The following SLC38A6 variants were observed in gnomAD, a reference collection of about 807,000 sequenced individuals.
SLC38A6 encodes N system amino acid transporter NAT-1.
In SLC38A6, 73 loss-of-function variants were observed where a neutral mutation model predicts 65.0. The ratio of observed to expected loss-of-function variants is 1.12; its 90% CI spans 0.93 to 1.37. SLC38A6 has a LOEUF of 1.37. SLC38A6 is among the 40% of genes most tolerant of loss of function. The pLI is 0.00. For missense variants in SLC38A6, 561 were observed against 531.1 expected (o/e 1.06, Z -0.55); for synonymous variants, 183 against 178.8 (o/e 1.02, Z -0.19).
chr14:61,030,362 A>T, intron 5 of SLC38A6, 83 bp from the exon 6 acceptor site: 1 of 984,720 alleles, frequency 1.0e-6, no homozygotes, highest in Non-Finnish European at 1.5e-6. Flanking sequence ...GCTCTAATGG[A>T]CATCTCTTTT....
chr14:61,080,582 G>A lies in SLC38A6; in HGVS notation c.1408+1655G>A, dbSNP rs1435030092. Reference sequence around the variant, plus strand: ...TCAAAACAGCTCAGAATCAAGTCTGGGAAGCAAGTCGAAGTGGTTTGATTT... The same window carrying A: ...TCAAAACAGCTCAGAATCAAGTCTGAGAAGCAAGTCGAAGTGGTTTGATTT... On this transcript the variant is annotated intron_variant, in intron 16 of 16. Coordinates refer to the SLC38A6 transcript ENST00000354886. Among the ~76,000 whole-genome samples the A allele has an allele frequency of 2.0e-5, 3 of 152,210 alleles. No homozygotes were observed. The East Asian group carries it at 5.8e-4, about 29-fold the overall frequency.
chr14:61,035,682 T>G, intron 6 of SLC38A6, among the ~76,000 whole-genome samples: 1 of 152,226 alleles, frequency 6.6e-6, no homozygotes, highest in Non-Finnish European at 1.5e-5. Flanking sequence ...TTTGCTAGAT[T>G]AATTGAAACA....
chr14:61,075,721 A>T (rs2043378774), intron 15 of SLC38A6, among the ~76,000 whole-genome samples: 1 of 150,688 alleles, frequency 6.6e-6, no homozygotes, highest in Non-Finnish European at 1.5e-5. Flanking sequence ...GTTCTCTGTA[A>T]CAAAGCCTGG....
chr14:61,011,839 TTC>T (rs1266629584), intron 3 of SLC38A6, among the ~76,000 whole-genome samples: 1 of 152,206 alleles, frequency 6.6e-6, no homozygotes, highest in Non-Finnish European at 1.5e-5. Context: ...TGGTCTAAAA[TTC>T]TCTTTTTTTG....
chr14:61,047,602 T>G (rs1457118331), intron 12 of SLC38A6, among the ~76,000 whole-genome samples: 1 of 152,092 alleles, frequency 6.6e-6, no homozygotes, highest in East Asian at 1.9e-4. Flanking sequence ...TTATTCCAAG[T>G]TTTTGTTAAG....
Position 61,052,598 on chromosome 14 carries a change from C to T in SLC38A6, c.*169C>T. 1.1e-6 allele frequency: 1 copy of T among 913,874 alleles called. No individual in the cohort carries two copies. Among genetic ancestry groups the T allele is most frequent in the Non-Finnish European group, 1.5e-6 (1 of 689,054 alleles). The allele number at this position is 913,874 out of a possible 1,614,324, so 56.6% of individuals were successfully genotyped here. Reference sequence around the variant, plus strand: ...GAAGTAAGAGTGTGGCAGTTTTAATCAAAAAAAGAAACAAACTCGAAATGC... The same window carrying T: ...GAAGTAAGAGTGTGGCAGTTTTAATTAAAAAAAGAAACAAACTCGAAATGC... On this transcript the variant is annotated 3_prime_UTR_variant, in exon 16 of 16. Coordinates refer to ENST00000267488, the MANE Select transcript of SLC38A6 (RefSeq NM_153811.3).
chr14:61,012,391 C>G (rs553219275), intron 3 of SLC38A6, among the ~76,000 whole-genome samples: 2 of 152,152 alleles, frequency 1.3e-5, no homozygotes, highest in South Asian at 4.2e-4. Flanking sequence ...TCCTTCAGTT[C>G]TGCTCTGATC....
rs76768634 is a variant in SLC38A6 at position 61,081,375 on chromosome 14, C to T, written c.1409-2180C>T. On this transcript the variant is annotated intron_variant, in intron 16 of 16. Transcript: ENST00000354886. ...CTCATCACTCATAGAAATCCCAGAC[C>T]CATCTTCCCAGGTCCAGCGTAAGTC... Among the ~76,000 whole-genome samples, 492 of 116,902 alleles carry T rather than the reference C, an allele frequency of 4.2e-3. 1 individual carries two copies. Among genetic ancestry groups the T allele is most frequent in the Admixed American group, 9.2e-3 (107 of 11,692 alleles). 76.7% of individuals were successfully genotyped at this position (116,902 alleles called of 152,430 possible).
intron 13 of SLC38A6, 114 bp downstream of exon 13, chr14:61,050,750 A>G: frequency 1.0e-6 from 1 of 990,174 alleles, no homozygotes; most frequent in Non-Finnish European, 1.4e-6. Flanking sequence ...TATCTTATTC[A>G]CTTGTCAAGT....
intron 6 of SLC38A6, among the ~76,000 whole-genome samples, chr14:61,033,612 T>G (rs1215345174): frequency 3.9e-5 from 6 of 152,146 alleles, no homozygotes; most frequent in Non-Finnish European, 7.4e-5. Context: ...TACTAGTTTG[T>G]TTTTCTCAGG....
chr14:61,004,975 A>T (rs1054938329), intron 3 of SLC38A6, among the ~76,000 whole-genome samples: 2 of 152,110 alleles, frequency 1.3e-5, no homozygotes, highest in Non-Finnish European at 2.9e-5. Flanking sequence ...AGCACATCAA[A>T]AAGCTTATCC....
intron 15 of SLC38A6, among the ~76,000 whole-genome samples, chr14:61,061,630 G>T (rs181904055): frequency 2.0e-5 from 3 of 152,034 alleles, no homozygotes; most frequent in African/African-American, 4.8e-5. Context: ...GCCTTATTTC[G>T]TTTAGAAATA....
At position 60,981,270 on chromosome 14, in the gene SLC38A6, A is replaced by T. The variant is rs1594932971; in HGVS notation, c.-8A>T. The T allele has an allele frequency of 1.3e-6, 2 of 1,595,156 alleles. No individual in the cohort carries two copies. Among genetic ancestry groups the T allele is most frequent in the African/African-American group, 2.7e-5 (2 of 74,672 alleles). The stretch of plus-strand genomic sequence containing the variant: ...GTAGATGGAACTGGTAGTCAGCTGG[A>T]GAGCAGCATGGAGGCGTCCTGGGGG... On this transcript the variant is annotated 5_prime_UTR_variant, in exon 1 of 16. An upstream open reading frame in the 5' UTR gains an earlier in-frame stop. Transcript: ENST00000267488.
chr14:61,018,592 G>A (rs781748713), intron 4 of SLC38A6, among the ~76,000 whole-genome samples: 4 of 152,098 alleles, frequency 2.6e-5, no homozygotes, highest in Non-Finnish European at 5.9e-5. Context: ...CCAGGCATAC[G>A]TTGGGGTTCC....
chr14:61,063,633 C>T (rs2042928634), intron 15 of SLC38A6, among the ~76,000 whole-genome samples: 1 of 152,156 alleles, frequency 6.6e-6, no homozygotes, highest in Admixed American at 6.5e-5. Context: ...CACTCTTTTG[C>T]AGGTGCACCT....
Position 61,045,416 on chromosome 14 carries a change from A to G in SLC38A6, c.815A>G (p.Glu272Gly). 6 of 1,609,520 alleles carry G rather than the reference A, an allele frequency of 3.7e-6. No individual in the cohort carries two copies. The highest frequency in any genetic ancestry group is 4.3e-6 in the Non-Finnish European group (5 of 1,176,148). Residue 272 changes from glutamate to glycine, a missense_variant, in exon 11 of 16, where the codon GAA becomes GGA. By Grantham distance (98) the Glu-to-Gly change is moderately conservative. Coordinates refer to ENST00000267488, the MANE Select transcript of SLC38A6 (RefSeq NM_153811.3). ...ACCTCAATATTGCCCATATACTGTG[A>G]ACTTCAAAGGTACTGTAGAATCCTG... ...CHTSILPIYC[E>G]LQSPSKKRMQ...
chr14:60,996,224 C>G (rs530645181), intron 3 of SLC38A6, among the ~76,000 whole-genome samples: 3 of 152,134 alleles, frequency 2.0e-5, no homozygotes, highest in East Asian at 3.9e-4. Flanking sequence ...AGGAAAGAAA[C>G]AGACTCAGAG....
chr14:61,024,993 T>C (rs370676854), intron 5 of SLC38A6, among the ~76,000 whole-genome samples: 1 of 152,176 alleles, frequency 6.6e-6, no homozygotes, highest in Non-Finnish European at 1.5e-5. Context: ...GATTAAAAAT[T>C]TAATCATTAC....
intron 15 of SLC38A6, among the ~76,000 whole-genome samples, chr14:61,062,469 G>A (rs1347826718): frequency 6.7e-6 from 1 of 150,208 alleles, no homozygotes; most frequent in Non-Finnish European, 1.5e-5. Context: ...CTTTGGTAAA[G>A]TATCTGTTTA....
Sources: allele counts gnomAD v4.1 joint callset (sites outside exome capture counted in the v4.1 genomes callset), GRCh38; gene constraint gnomAD v4.1.1; transcripts MANE v1.5; gene names NCBI Gene and HGNC (gene_info 2026-07-23, HGNC 2026-07-21).